The following ANKRD36B variants were observed in gnomAD, a reference collection of about 807,000 sequenced individuals.
ANKRD36B encodes ankyrin repeat domain 36B, also known as ankyrin repeat domain-containing protein 36B.
ANKRD36B carries 37 observed loss-of-function variants against 135.7 expected under a neutral mutation model. The observed-to-expected ratio is 0.27, with a 90% CI of 0.21 to 0.36. The LOEUF (loss-of-function observed/expected upper bound fraction) is 0.36. Ranked by LOEUF, ANKRD36B falls within the 10% of genes least tolerant of loss-of-function variation. ANKRD36B has a pLI of 1.00. For synonymous variants in ANKRD36B, 179 were observed against 348.1 expected, an observed-to-expected ratio of 0.51 and a Z score of 5.41; for missense variants, 549 against 1,037.1, an observed-to-expected ratio of 0.53 and a Z score of 6.46.
At chr2:97,580,688 T>C in intron 3 of ANKRD36B, 120 bp from the exon 4 acceptor site, 3 of 882,656 alleles carry the variant, frequency 3.4e-6, no homozygotes, top group Non-Finnish European at 4.8e-6. Flanking sequence ...TAAGAGGTAG[T>C]CCCTTTCTTT....
At chr2:97,571,603 G>A (rs2081880063) in intron 6 of ANKRD36B, among the ~76,000 whole-genome samples, 2 of 149,056 alleles carry the variant, frequency 1.3e-5, no homozygotes, top group African/African-American at 5.0e-5. Context: ...CCGAGATTGC[G>A]CCACTGCACT....
intron 6 of ANKRD36B, among the ~76,000 whole-genome samples, chr2:97,570,236 G>T (rs57591191): frequency 0.48 from 73,091 of 151,854 alleles, 21,177 homozygotes; most frequent in Non-Finnish European, 0.66. Context: ...ACCATGCTAT[G>T]TTATATTACC....
At chr2:97,566,088 T>C (rs918847607) in intron 6 of ANKRD36B, among the ~76,000 whole-genome samples, 1 of 150,940 alleles carries the variant, frequency 6.6e-6, no homozygotes, top group Non-Finnish European at 1.5e-5. Flanking sequence ...CCAAGGCGGG[T>C]GGATCACACG....
In ANKRD36B at chr2:97,532,590, G is replaced by A. The variant is rs2078656143; in HGVS notation, c.2192-206C>T. Among the ~76,000 whole-genome samples the A allele has an allele frequency of 3.1e-5, 3 of 95,250 alleles. 1 individual carries two copies. The highest frequency in any genetic ancestry group is 2.8e-4 in the Admixed American group (3 of 10,780). The allele number at this position is 95,250 out of a possible 152,430, so 62.5% of individuals were successfully genotyped here. A position where few individuals can be genotyped will look rare whatever the true frequency, so the allele number is the denominator to read the frequency against. ...TACAAAAAATTAACTGGGCGTGGTG[G>A]CAGGTGCCTGTAGTCCCAGCTAGTC... On this transcript the variant is annotated intron_variant, in intron 34 of 43. Coordinates refer to ENST00000359901, the MANE Select transcript of ANKRD36B (RefSeq NM_001393939.1).
At chr2:97,560,466 G>A (rs1325508398) in intron 8 of ANKRD36B, among the ~76,000 whole-genome samples, 199 bp downstream of exon 8, 1 of 151,836 alleles carries the variant, frequency 6.6e-6, no homozygotes, top group Non-Finnish European at 1.5e-5. Flanking sequence ...ATGTAAGGAA[G>A]CCTACAATCT....
intron 6 of ANKRD36B, among the ~76,000 whole-genome samples, chr2:97,571,594 C>G (rs2081878151): frequency 1.3e-5 from 2 of 151,594 alleles, no homozygotes; most frequent in Non-Finnish European, 2.9e-5. Context: ...TGCAGTGAGC[C>G]GAGATTGCGC....
Position 97,551,291 on chromosome 2 carries a change from G to T in ANKRD36B, c.1373C>A (p.Thr458Lys), listed in dbSNP as rs764600489. ...TTAAATGTGTTTCGCAAAATTACCT[G>T]TCCTAGATATTTCTCCATCCTTTTT... ...REKKDGEISR[T>K]VSSQKPPALK... Residue 458 changes from threonine (T) to lysine (K), a missense_variant and splice_region_variant, in exon 18 of 44, where the codon ACA (threonine) becomes AAA (lysine). Coordinates refer to ENST00000359901, the MANE Select transcript of ANKRD36B (RefSeq NM_001393939.1). 616 of 1,556,732 alleles carry T rather than the reference G, an allele frequency of 4.0e-4. No individual in the cohort carries two copies. Among genetic ancestry groups the T allele is most frequent in the Non-Finnish European group, 4.9e-4 (560 of 1,154,378 alleles).
chr2:97,546,674 G>A (rs1275787516), intron 22 of ANKRD36B, among the ~76,000 whole-genome samples: 1 of 151,686 alleles, frequency 6.6e-6, no homozygotes, highest in African/African-American at 2.4e-5. Flanking sequence ...AATTTTAGGA[G>A]TTAGTTAGAA....
chr2:97,562,210 CT>C (rs996965883), intron 6 of ANKRD36B, among the ~76,000 whole-genome samples: 30 of 131,138 alleles, frequency 2.3e-4, no homozygotes, highest in Non-Finnish European at 3.6e-4. Flanking sequence ...CTAGAGACTT[CT>C]TTTCTTATAA....
intron 11 of ANKRD36B, 47 bp downstream of exon 11, chr2:97,557,057 T>C: frequency 1.3e-6 from 2 of 1,546,456 alleles, no homozygotes; most frequent in Middle Eastern, 2.3e-4. Context: ...ATATATTTCA[T>C]AGGCTATGCA....
At chr2:97,550,888 A>G (rs2079989556) in intron 18 of ANKRD36B, among the ~76,000 whole-genome samples, 1 of 151,842 alleles carries the variant, frequency 6.6e-6, no homozygotes, top group African/African-American at 2.4e-5. Flanking sequence ...TTCTCCTTCT[A>G]CAGTGTCTAT....
At chr2:97,568,268 T>C (rs2081589649) in intron 6 of ANKRD36B, among the ~76,000 whole-genome samples, 1 of 152,106 alleles carries the variant, frequency 6.6e-6, no homozygotes, top group Non-Finnish European at 1.5e-5. Flanking sequence ...ACTTATTTTG[T>C]TGAAACACAA....
rs1177946473 is a variant in ANKRD36B at position 97,536,839 on chromosome 2, G to A, written c.2090-343C>T. 2.1e-5 allele frequency among the ~76,000 whole-genome samples: 2 copies of A among 96,648 alleles called. 1 individual carries two copies. Among genetic ancestry groups the A allele is most frequent in the Non-Finnish European group, 5.5e-5 (2 of 36,274 alleles). The allele number at this position is 96,648 out of a possible 152,430, so 63.4% of individuals were successfully genotyped here. ...AACCCTAGAAATAAGTGTAAAAGCT[G>A]GTGCTAACTGCGACTACATGACTTT... On this transcript the variant is annotated intron_variant, in intron 32 of 43. Transcript: ENST00000359901.
At chr2:97,576,164 A>G (rs1414185147) in intron 6 of ANKRD36B, among the ~76,000 whole-genome samples, 1 of 151,094 alleles carries the variant, frequency 6.6e-6, no homozygotes, top group Non-Finnish European at 1.5e-5. Flanking sequence ...ACTAGGAACG[A>G]TAATTAAATA....
intron 34 of ANKRD36B, among the ~76,000 whole-genome samples, 176 bp downstream of exon 34, chr2:97,536,124 A>G (rs2078877666): frequency 2.1e-5 from 2 of 97,084 alleles, no homozygotes; most frequent in South Asian, 4.7e-4. Flanking sequence ...TATTTTCCTT[A>G]TGCATGTAAA....
rs548198864 is a variant in ANKRD36B, at chr2:97,532,494, G to A, written c.2192-110C>T. The A allele has an allele frequency of 1.5e-3, 704 of 478,028 alleles. 171 individuals are homozygous for A. Among genetic ancestry groups the A allele is most frequent in the African/African-American group, 0.015 (616 of 42,170 alleles). 29.6% of individuals were successfully genotyped at this position (478,028 alleles called of 1,614,324 possible). A position where few individuals can be genotyped will look rare whatever the true frequency, so the allele number is the denominator to read the frequency against. The stretch of plus-strand genomic sequence containing the variant: ...TCCCAGCACTTTGGGAGGCTGAGGC[G>A]GGTGGATCACGAGGTCAGGAGATAG... On this transcript the variant is annotated intron_variant, in intron 34 of 43. Transcript: ENST00000359901.
At chr2:97,554,740 T>C (rs566175211) in intron 14 of ANKRD36B, among the ~76,000 whole-genome samples, 6 of 152,014 alleles carry the variant, frequency 3.9e-5, no homozygotes, top group African/African-American at 1.4e-4. Flanking sequence ...TTCAACTCAT[T>C]CTCCTTCCAC....
At chr2:97,571,477 C>A (rs910156389) in intron 6 of ANKRD36B, among the ~76,000 whole-genome samples, 1 of 152,006 alleles carries the variant, frequency 6.6e-6, no homozygotes, top group Non-Finnish European at 1.5e-5. Flanking sequence ...GAAACCGCAT[C>A]TCTACTAAAA....
At chr2:97,557,376 CT>C (rs2080628840) in intron 10 of ANKRD36B, among the ~76,000 whole-genome samples, 1 of 151,456 alleles carries the variant, frequency 6.6e-6, no homozygotes, top group African/African-American at 2.4e-5. Flanking sequence ...GTGTGTATTA[CT>C]GAAATAAAAA....
Sources: allele counts gnomAD v4.1 joint callset (sites outside exome capture counted in the v4.1 genomes callset), GRCh38; gene constraint gnomAD v4.1.1; transcripts MANE v1.5; gene names NCBI Gene and HGNC (gene_info 2026-07-23, HGNC 2026-07-21).